Variants in HSD17B12 observed in about 807,000 individuals in gnomAD.
The protein encoded by HSD17B12 is hydroxysteroid 17-beta dehydrogenase 12, also known as very-long-chain 3-oxoacyl-CoA reductase.
HSD17B12 carries 32 observed loss-of-function variants against 39.3 expected under a neutral mutation model. That is an observed-to-expected ratio of 0.81 (90% CI 0.61 to 1.09). The LOEUF (loss-of-function observed/expected upper bound fraction) is 1.09. Among genes scored for constraint, HSD17B12 ranks in the 50% least tolerant of loss-of-function variants. The pLI, the probability that HSD17B12 is intolerant of heterozygous loss-of-function variation, is 0.00. For missense variants in HSD17B12, 342 were observed against 382.9 expected (o/e 0.89, Z 0.89); for synonymous variants, 150 against 146.7 (o/e 1.02, Z -0.16).
At chr11:43,592,761 T>C in the HSD17B12 span, among the ~76,000 whole-genome samples, 1 of 152,164 alleles carries the variant, frequency 6.6e-6, no homozygotes, top group African/African-American at 2.4e-5. Context: ...ATATGGCTTA[T>C]AGAGCCATTT....
At chr11:43,849,519 G>T in intron 9 of HSD17B12, among the ~76,000 whole-genome samples, 1 of 151,984 alleles carries the variant, frequency 6.6e-6, no homozygotes, top group African/African-American at 2.4e-5. Flanking sequence ...TTCACCTCAG[G>T]GCCTTTGCAC....
intron 1 of HSD17B12, among the ~76,000 whole-genome samples, chr11:43,706,373 G>A (rs150803973): frequency 2.6e-4 from 39 of 152,118 alleles, no homozygotes; most frequent in African/African-American, 7.0e-4. Flanking sequence ...GTGAAACCCC[G>A]TCTCTATTAA....
At chr11:43,727,487 AG>A (rs1950231680) in intron 1 of HSD17B12, among the ~76,000 whole-genome samples, 1 of 75,396 alleles carries the variant, frequency 1.3e-5, no homozygotes, top group Admixed American at 1.7e-4. Context: ...CATGAATATA[AG>A]GCTTTTTTTT....
the HSD17B12 span, among the ~76,000 whole-genome samples, chr11:43,577,133 GC>G: frequency 6.6e-6 from 1 of 152,210 alleles, no homozygotes; most frequent in Non-Finnish European, 1.5e-5. Flanking sequence ...CCTGGTTCGG[GC>G]TGGCCCAAGA....
At chr11:43,783,622 T>A (rs573525846) in intron 3 of HSD17B12, among the ~76,000 whole-genome samples, 8 of 151,972 alleles carry the variant, frequency 5.3e-5, no homozygotes, top group African/African-American at 1.9e-4. Flanking sequence ...TGTCCATGTG[T>A]TCTCATTCTC....
At chr11:43,686,899 T>A (rs1176360640) in intron 1 of HSD17B12, among the ~76,000 whole-genome samples, 1 of 152,230 alleles carries the variant, frequency 6.6e-6, no homozygotes, top group East Asian at 1.9e-4. Flanking sequence ...GACTACATTG[T>A]CAGATAACTG....
At chr11:43,783,521 G>A (rs368786902) in intron 3 of HSD17B12, among the ~76,000 whole-genome samples, 5 of 150,886 alleles carry the variant, frequency 3.3e-5, no homozygotes, top group East Asian at 2.0e-4. Context: ...CCATCAACTC[G>A]TAATCTACAT....
Position 43,797,197 on chromosome 11 carries a change from C to G in HSD17B12, c.284-1123C>G, listed in dbSNP as rs556878415. ...CCTTTTAGGTCAAGAATACATACCT[C>G]CTACGAGGATTAATCCTGCATGCTC... On this transcript the variant is annotated intron_variant, in intron 3 of 10. Transcript: ENST00000278353. 1.1e-3 allele frequency among the ~76,000 whole-genome samples: 164 copies of G among 152,304 alleles called. 1 individual carries two copies. The South Asian group carries it at 0.012, about 11-fold the overall frequency.
intron 1 of HSD17B12, chr11:43,719,203 C>T (rs1279014187): frequency 2.9e-6 from 2 of 683,866 alleles, no homozygotes; most frequent in Non-Finnish European, 5.3e-6. Flanking sequence ...ATATACATGC[C>T]TCTGTCAATT....
intron 1 of HSD17B12, among the ~76,000 whole-genome samples, chr11:43,705,607 T>G (rs1294064226): frequency 6.6e-6 from 1 of 152,140 alleles, no homozygotes; most frequent in East Asian, 1.9e-4. Context: ...GTCAATTGTA[T>G]TCATCATCCT....
the HSD17B12 span, among the ~76,000 whole-genome samples, chr11:43,663,430 C>T: frequency 1.3e-5 from 2 of 151,992 alleles, no homozygotes; most frequent in Non-Finnish European, 2.9e-5. Flanking sequence ...GATAGTCTCA[C>T]CATGTTGCCC....
chr11:43,559,141 G>C, the HSD17B12 span, among the ~76,000 whole-genome samples: 1 of 152,112 alleles, frequency 6.6e-6, no homozygotes, highest in Non-Finnish European at 1.5e-5. Flanking sequence ...AAAGCATCAG[G>C]TTTCTTTGTG....
intron 6 of HSD17B12, chr11:43,830,148 A>G (rs1166541115): frequency 6.6e-6 from 1 of 152,220 alleles, no homozygotes; most frequent in Non-Finnish European, 1.5e-5. Flanking sequence ...AGAAACAACA[A>G]AATTTCTATG....
At chr11:43,665,781 A>G in the HSD17B12 span, among the ~76,000 whole-genome samples, 2 of 152,156 alleles carry the variant, frequency 1.3e-5, no homozygotes, top group Non-Finnish European at 2.9e-5. Flanking sequence ...ATGCACACAC[A>G]CACACACACA....
chr11:43,840,537 C>T (rs757900704), intron 9 of HSD17B12, among the ~76,000 whole-genome samples: 14 of 152,066 alleles, frequency 9.2e-5, no homozygotes, highest in Admixed American at 2.6e-4. Context: ...AACATGAACT[C>T]CCCATTTCCC....
At chr11:43,592,915 G>A in the HSD17B12 span, among the ~76,000 whole-genome samples, 5 of 152,140 alleles carry the variant, frequency 3.3e-5, no homozygotes, top group Non-Finnish European at 7.4e-5. Flanking sequence ...GAGGAGAGAG[G>A]CTGTGTTCTC....
chr11:43,563,984 C>T, the HSD17B12 span, among the ~76,000 whole-genome samples: 1 of 151,962 alleles, frequency 6.6e-6, no homozygotes, highest in East Asian at 1.9e-4. Flanking sequence ...GCACAATCAT[C>T]GCTCACTACA....
At chr11:43,622,917 T>C in the HSD17B12 span, among the ~76,000 whole-genome samples, 2 of 152,162 alleles carry the variant, frequency 1.3e-5, no homozygotes, top group African/African-American at 4.8e-5. Context: ...AATTTTAACA[T>C]AGCGATGGCA....
At chr11:43,639,350 A>C in the HSD17B12 span, among the ~76,000 whole-genome samples, 1 of 152,124 alleles carries the variant, frequency 6.6e-6, no homozygotes, top group Non-Finnish European at 1.5e-5. Context: ...ATACTATCTT[A>C]GTTTAGGTCT....
Sources: allele counts gnomAD v4.1 joint callset (sites outside exome capture counted in the v4.1 genomes callset), GRCh38; gene constraint gnomAD v4.1.1; transcripts MANE v1.5; gene names NCBI Gene and HGNC (gene_info 2026-07-23, HGNC 2026-07-21).